The following PRKN variants were observed in gnomAD, a reference collection of about 807,000 sequenced individuals.
PRKN encodes E3 ubiquitin-protein ligase parkin.
In PRKN, 56 loss-of-function variants were observed where a neutral mutation model predicts 59.5. The ratio of observed to expected loss-of-function variants is 0.94; its 90% CI spans 0.76 to 1.18. The LOEUF (loss-of-function observed/expected upper bound fraction) is 1.18, where lower values mean the gene tolerates loss of function less well. Among genes scored for constraint, PRKN ranks in the 50% most tolerant of loss-of-function variants. The pLI, the probability that PRKN is intolerant of heterozygous loss-of-function variation, is 0.00. For missense variants in PRKN, 657 were observed against 596.4 expected (o/e 1.10, Z -1.06); for synonymous variants, 250 against 222.1 (o/e 1.13, Z -1.12).
chr6:161,658,015 C>CAAAAAAAAAAAAAAAAAAAA (rs60685690), intron 7 of PRKN, among the ~76,000 whole-genome samples: 2 of 61,876 alleles, frequency 3.2e-5, no homozygotes, highest in African/African-American at 5.4e-5. Flanking sequence ...GACTCTGTCT[C>CAAAAAAAAAAAAAAAAAAAA]AAAAAAAAAA....
chr6:162,225,969 G>A (rs886288493), intron 3 of PRKN, among the ~76,000 whole-genome samples: 3 of 146,078 alleles, frequency 2.1e-5, no homozygotes, highest in African/African-American at 7.5e-5. Context: ...TATATGTTTA[G>A]GAAACCATAT....
chr6:162,718,129 A>G (rs1181510910), intron 1 of PRKN, among the ~76,000 whole-genome samples: 4 of 152,160 alleles, frequency 2.6e-5, no homozygotes, highest in African/African-American at 7.2e-5. Context: ...ATCTTTCCCA[A>G]TTATTAAGAA....
chr6:162,070,386 A>G (rs574903437), intron 4 of PRKN, among the ~76,000 whole-genome samples: 21 of 152,298 alleles, frequency 1.4e-4, no homozygotes, highest in Admixed American at 2.6e-4. Context: ...GTGTGATCAC[A>G]AGGCTGGGCA....
rs1453074037 is a variant in PRKN, at chr6:161,510,723, T to G, written c.1083+38131A>C. Reference sequence around the variant, plus strand: ...AGCAGAAGTTATGTTTTTGCTAACCTTCAAGAAAATAATAGCAAGTCAAGA... The same window carrying G: ...AGCAGAAGTTATGTTTTTGCTAACCGTCAAGAAAATAATAGCAAGTCAAGA... On this transcript the variant is annotated intron_variant, in intron 9 of 11. Transcript: ENST00000366898. 5.3e-5 allele frequency among the ~76,000 whole-genome samples: 8 copies of G among 152,330 alleles called. No individual in the cohort carries two copies. In the East Asian group the frequency reaches 9.6e-4, roughly 18 times the overall value.
At chr6:162,158,372 C>T (rs2849600) in intron 4 of PRKN, among the ~76,000 whole-genome samples, 141,649 of 151,038 alleles carry the variant, frequency 0.94, 66,986 homozygotes, top group Non-Finnish European at 1. Flanking sequence ...GGCTACTTAT[C>T]TTGTAGAGTG....
chr6:162,445,530 T>A (rs973912912), intron 1 of PRKN, among the ~76,000 whole-genome samples: 5 of 151,142 alleles, frequency 3.3e-5, no homozygotes, highest in African/African-American at 7.3e-5. Flanking sequence ...CTACAAAAAA[T>A]TTTTTTAAAC....
At position 161,766,266 on chromosome 6, in the gene PRKN, T is replaced by C. The variant is rs554326253; in HGVS notation, c.871+19506A>G. On this transcript the variant is annotated intron_variant, in intron 7 of 11. Transcript: ENST00000366898. ...CCTTGATAAAGTATTGATATGGAAG[T>C]CTCAATTACTAAAACAGAAAAAACT... is the stretch of plus-strand genomic sequence containing the variant. 7.2e-5 allele frequency among the ~76,000 whole-genome samples: 11 copies of C among 151,820 alleles called. No homozygotes were observed. In the South Asian group the frequency reaches 8.3e-4, roughly 11 times the overall value.
chr6:161,856,582 G>A (rs958663688), intron 6 of PRKN, among the ~76,000 whole-genome samples: 1 of 151,764 alleles, frequency 6.6e-6, no homozygotes, highest in Non-Finnish European at 1.5e-5. Context: ...GACTGTAATC[G>A]ATAAAACAGA....
chr6:162,416,930 G>T (rs2128157543), intron 2 of PRKN, among the ~76,000 whole-genome samples: 1 of 152,070 alleles, frequency 6.6e-6, no homozygotes, highest in East Asian at 1.9e-4. Flanking sequence ...GAAATATATG[G>T]TTCAGTCTTA....
chr6:162,257,794 T>C (rs1181856903), intron 3 of PRKN, among the ~76,000 whole-genome samples: 1 of 152,116 alleles, frequency 6.6e-6, no homozygotes, highest in Non-Finnish European at 1.5e-5. Flanking sequence ...TTCCGGGTTG[T>C]GTTGCCTCCA....
chr6:161,695,694 T>C (rs972494383), intron 7 of PRKN, among the ~76,000 whole-genome samples: 2 of 152,144 alleles, frequency 1.3e-5, no homozygotes, highest in African/African-American at 4.8e-5. Flanking sequence ...GATCTTTCCA[T>C]AGAAGCGGCT....
At chr6:162,503,136 CTTTTT>C (rs10629175) in intron 1 of PRKN, among the ~76,000 whole-genome samples, 1 of 81,114 alleles carries the variant, frequency 1.2e-5, no homozygotes, top group East Asian at 3.3e-4. Flanking sequence ...GTCTTCATTT[CTTTTT>C]TTTTTTTTTT....
At chr6:161,996,904 C>A (rs60209932) in intron 5 of PRKN, among the ~76,000 whole-genome samples, 1 of 151,866 alleles carries the variant, frequency 6.6e-6, no homozygotes, top group Non-Finnish European at 1.5e-5. Context: ...AAGGAAATCA[C>A]GCTGAAAACA....
At chr6:162,042,827 T>C (rs1784116668) in intron 5 of PRKN, among the ~76,000 whole-genome samples, 1 of 152,212 alleles carries the variant, frequency 6.6e-6, no homozygotes, top group Non-Finnish European at 1.5e-5. Context: ...AACATCAGTA[T>C]AAGTTTTAAT....
chr6:161,661,579 G>T (rs1784548465), intron 7 of PRKN, among the ~76,000 whole-genome samples: 2 of 150,326 alleles, frequency 1.3e-5, no homozygotes, highest in Admixed American at 6.6e-5. Context: ...TGTAGCAAGT[G>T]CTGTCTCATT....
chr6:161,795,228 C>CTTT (rs58319044), intron 6 of PRKN, among the ~76,000 whole-genome samples: 1,406 of 128,310 alleles, frequency 0.011, 47 homozygotes, highest in African/African-American at 0.029. Flanking sequence ...GTTTTCTTTT[C>CTTT]TTTTTTTTTT....
At chr6:162,579,016 T>C (rs1780672738) in intron 1 of PRKN, among the ~76,000 whole-genome samples, 1 of 152,216 alleles carries the variant, frequency 6.6e-6, no homozygotes, top group Admixed American at 6.5e-5. Flanking sequence ...CATATGTTTC[T>C]TTAGTCATCA....
chr6:161,373,258 C>T lies in PRKN; in HGVS notation c.1168-13053G>A, dbSNP rs985517535. 1.3e-5 allele frequency among the ~76,000 whole-genome samples: 2 copies of T among 152,164 alleles called. No homozygotes were observed. The stretch of plus-strand genomic sequence containing the variant: ...GATGTTAACCACGTCTACAAAAATA[C>T]CTTCACAGCGACACCTTGACTACTG... On this transcript the variant is annotated intron_variant, in intron 10 of 11. Coordinates refer to ENST00000366898, the MANE Select transcript of PRKN (RefSeq NM_004562.3). This position sits in a 1 kb window ranked among gnomAD's most constrained non-coding sequence, Gnocchi z 4.8.
intron 2 of PRKN, among the ~76,000 whole-genome samples, chr6:162,420,221 A>G: frequency 6.8e-6 from 1 of 147,392 alleles, no homozygotes; most frequent in Non-Finnish European, 1.5e-5. Context: ...TCTCATAAGG[A>G]GCGTGCAACC....
Sources: gnomAD v4.1 joint callset for allele counts (sites outside exome capture counted in the v4.1 genomes callset) on GRCh38, gnomAD v4.1.1 for gene constraint, Gnocchi (gnomAD v3.1) non-coding constraint, MANE v1.5 for transcripts, NCBI Gene and HGNC (gene_info 2026-07-23, HGNC 2026-07-21) for gene names.